ORC2: variants seen among roughly 807,000 people sequenced by gnomAD.
The protein encoded by ORC2 is origin recognition complex subunit 2, also known as origin recognition complex protein 2 homolog.
Under a neutral mutation model 77.7 loss-of-function variants are expected in ORC2, and 37 were observed. The ratio of observed to expected loss-of-function variants is 0.48; its 90% confidence interval spans 0.37 to 0.63. The LOEUF is 0.63. ORC2 is among the 20% of genes least tolerant of loss of function. The probability of loss-of-function intolerance (pLI) is 0.00; values close to 1 mark genes in which losing one functional copy is unlikely to be tolerated. For missense variants in ORC2, 557 were observed against 661.9 expected (o/e 0.84, Z 1.74); for synonymous variants, 201 against 229.5 (o/e 0.88, Z 1.12).
intron 5 of ORC2, chr2:200,943,071 T>C (rs1286024118): frequency 5.3e-6 from 1 of 189,744 alleles, no homozygotes; most frequent in East Asian, 1.3e-4. Context: ...ACCACTTATG[T>C]TCCTTTCATT....
At chr2:200,946,518 A>G (rs956274117) in intron 5 of ORC2, among the ~76,000 whole-genome samples, 2 of 152,224 alleles carry the variant, frequency 1.3e-5, no homozygotes, top group Admixed American at 6.5e-5. Flanking sequence ...TCATAATAAT[A>G]AAGACGAAAT....
At chr2:200,929,777 CTG>C (rs781290239) in intron 11 of ORC2, among the ~76,000 whole-genome samples, 4 of 150,636 alleles carry the variant, frequency 2.7e-5, no homozygotes, top group Non-Finnish European at 4.4e-5. Context: ...CAGAGTGAGA[CTG>C]TCTCTTAAAA....
At chr2:200,941,209 T>G in intron 7 of ORC2, 39 bp downstream of exon 7, 1 of 1,563,630 alleles carries the variant, frequency 6.4e-7, no homozygotes. Flanking sequence ...TGTCTTACTT[T>G]GTAACACTAA....
At chr2:200,918,050 T>G (rs2040687916) in intron 15 of ORC2, among the ~76,000 whole-genome samples, 2 of 152,172 alleles carry the variant, frequency 1.3e-5, no homozygotes, top group African/African-American at 4.8e-5. Context: ...AAACTTTTAT[T>G]CATACTGATA....
At chr2:200,935,998 G>T in intron 8 of ORC2, 106 bp from the exon 9 acceptor site, 1 of 836,702 alleles carries the variant, frequency 1.2e-6, no homozygotes, top group Non-Finnish European at 1.8e-6. Context: ...CTGAATTCTG[G>T]TTTTGTCATT....
At chr2:200,922,296 G>A (rs1300609922) in intron 13 of ORC2, among the ~76,000 whole-genome samples, 1 of 151,014 alleles carries the variant, frequency 6.6e-6, no homozygotes, top group Non-Finnish European at 1.5e-5. Flanking sequence ...AAGGTCACTG[G>A]GCTTGGTAAG....
At chr2:200,930,491 C>G (rs2040920715) in intron 11 of ORC2, among the ~76,000 whole-genome samples, 1 of 150,762 alleles carries the variant, frequency 6.6e-6, no homozygotes, top group Non-Finnish European at 1.5e-5. Context: ...GTTAATCATT[C>G]CCTTCCTAGC....
rs116030147 is a variant in ORC2, at chr2:200,939,425, C to G, written c.454-1459G>C. 4.6e-3 allele frequency among the ~76,000 whole-genome samples: 697 copies of G among 152,264 alleles called. 10 individuals are homozygous for G. Among genetic ancestry groups the G allele is most frequent in the African/African-American group, 0.016 (666 of 41,546 alleles). On this transcript the variant is annotated intron_variant, in intron 7 of 17. Coordinates refer to ENST00000234296, the MANE Select transcript of ORC2 (RefSeq NM_006190.5). ...TCCTACTTGCTATAGAACATTTCTG[C>G]AAACTAATCTCTCTTGACAGTTTGC...
In ORC2 at chr2:200,931,385, T is replaced by C. The variant is rs2040936034; in HGVS notation, c.871A>G (p.Asn291Asp). The change falls in exon 11 of 18, where the codon AAT becomes GAT. Residue 291 changes from asparagine to aspartate, a missense_variant. Physicochemically the swap from Asn to Asp is conservative, Grantham distance 23 (BLOSUM62 1). Coordinates refer to ENST00000234296, the MANE Select transcript of ORC2 (RefSeq NM_006190.5). The stretch of plus-strand genomic sequence containing the variant: ...TGAAATAATTTTTCATACTGTTGAT[T>C]TAGTTGTTTAAGTTCGGCAGAAAAG... The part of the protein sequence containing the change: ...PSFSAELKQL[N>D]QQYEKLFHKW... The C allele has an allele frequency of 1.3e-6, 2 of 1,532,362 alleles. No homozygotes were observed. The highest frequency in any genetic ancestry group is 1.4e-5 in the African/African-American group (1 of 69,476). 94.9% of individuals were successfully genotyped at this position (1,532,362 alleles called of 1,614,324 possible). A position where few individuals can be genotyped will look rare whatever the true frequency, so the allele number is the denominator to read the frequency against.
Position 200,926,868 on chromosome 2 carries a change from C to A in ORC2, c.950G>T (p.Gly317Val), listed in dbSNP as rs1236815721. The A allele has an allele frequency of 6.2e-7, 1 of 1,613,892 alleles. No individual in the cohort carries two copies. The highest frequency in any genetic ancestry group is 1.1e-5 in the South Asian group (1 of 91,078). The change falls in exon 12 of 18, where the codon GGT becomes GTT. Residue 317 changes from glycine to valine, a missense_variant. Gly to Val is a moderately radical substitution (Grantham distance 109). Coordinates refer to ENST00000234296, the MANE Select transcript of ORC2 (RefSeq NM_006190.5). Reference sequence around the variant, plus strand: ...CCTTTCTAGTAAATCTCTCTTAGAACCCAAACCATAAAGCACAATGTTGAA... The same window carrying A: ...CCTTTCTAGTAAATCTCTCTTAGAAACCAAACCATAAAGCACAATGTTGAA... ...LGFNIVLYGL[G>V]SKRDLLERFR...
Position 200,942,789 on chromosome 2 carries a change from G to A in ORC2, c.329-12C>T, listed in dbSNP as rs1351721258. The A allele has an allele frequency of 6.4e-7, 1 of 1,552,024 alleles. No individual in the cohort carries two copies. The highest frequency in any genetic ancestry group is 1.1e-5 in the South Asian group (1 of 87,098). ...TGCTAGTTCTGAAGCTGTAAACAAA[G>A]AAATATATAAAAACCTTTTAAAGGA... On this transcript the variant is annotated splice_polypyrimidine_tract_variant and intron_variant, in intron 5 of 17. Transcript: ENST00000234296.
intron 15 of ORC2, among the ~76,000 whole-genome samples, chr2:200,915,626 T>G (rs1004294050): frequency 2.6e-5 from 4 of 152,194 alleles, no homozygotes; most frequent in Non-Finnish European, 5.9e-5. Context: ...AATTCAAAAC[T>G]TATATGAATT....
At chr2:200,950,893 G>T (rs1354769745) in intron 4 of ORC2, among the ~76,000 whole-genome samples, 9 of 152,150 alleles carry the variant, frequency 5.9e-5, no homozygotes, top group Non-Finnish European at 1.5e-5. Flanking sequence ...CTGAAGAGAG[G>T]CGTCTTAAAT....
rs2040537071 is a variant in ORC2, at chr2:200,910,739, C to T, written c.*562G>A. On this transcript the variant is annotated 3_prime_UTR_variant, in exon 18 of 18. Coordinates refer to ENST00000234296, the MANE Select transcript of ORC2 (RefSeq NM_006190.5). ...TCCCCTGCCCCCACCAAGTACATAG[C>T]CTCAATCCAAAAGGAGAAAGCTGGA... is the stretch of plus-strand genomic sequence containing the variant. The T allele has an allele frequency of 6.5e-6, 1 of 153,134 alleles. No homozygotes were observed. Among genetic ancestry groups the T allele is most frequent in the Non-Finnish European group, 1.5e-5 (1 of 68,798 alleles). 9.5% of individuals were successfully genotyped at this position (153,134 alleles called of 1,614,324 possible).
At chr2:200,911,457 C>A in intron 17 of ORC2, 70 bp from the exon 18 acceptor site, 1 of 797,222 alleles carries the variant, frequency 1.3e-6, no homozygotes, top group Non-Finnish European at 2.0e-6. Flanking sequence ...ATTGTAGAGG[C>A]TAAAGAAAAA....
At position 200,958,141 on chromosome 2, in the gene ORC2, A is replaced by G; in HGVS notation, c.-10-8T>C. ...TTACTCATTGTTGCCAACCTAAACA[A>G]AAACAGTAAGTTACTCAAAAGTGAT... On this transcript the variant is annotated splice_polypyrimidine_tract_variant and splice_region_variant and intron_variant, in intron 2 of 17. Coordinates refer to ENST00000234296, the MANE Select transcript of ORC2 (RefSeq NM_006190.5). 1 of 1,533,236 alleles carries G rather than the reference A, an allele frequency of 6.5e-7. No homozygotes were observed. Among genetic ancestry groups the G allele is most frequent in the South Asian group, 1.1e-5 (1 of 89,256 alleles). 95.0% of individuals were successfully genotyped at this position (1,533,236 alleles called of 1,614,324 possible).
chr2:200,958,191 T>C (rs1230904717), intron 2 of ORC2, 58 bp from the exon 3 acceptor site: 1 of 955,946 alleles, frequency 1.0e-6, no homozygotes, highest in African/African-American at 1.6e-5. Flanking sequence ...AACCACCAAA[T>C]TAAACATTCA....
intron 5 of ORC2, among the ~76,000 whole-genome samples, chr2:200,943,828 G>C (rs1189431038): frequency 6.9e-6 from 1 of 145,426 alleles, no homozygotes; most frequent in South Asian, 2.2e-4. Context: ...ATCTTCCCTT[G>C]ATATTAATTC....
chr2:200,953,364 T>C (rs967895913), intron 4 of ORC2, among the ~76,000 whole-genome samples: 2 of 151,380 alleles, frequency 1.3e-5, no homozygotes, highest in African/African-American at 4.8e-5. Flanking sequence ...TATGTTAAAT[T>C]TAAAAGAAAA....
Sources: gnomAD v4.1 joint callset for allele counts (sites outside exome capture counted in the v4.1 genomes callset) on GRCh38, gnomAD v4.1.1 for gene constraint, MANE v1.5 for transcripts, NCBI Gene and HGNC (gene_info 2026-07-23, HGNC 2026-07-21) for gene names.